The following CDH13 variants were observed in gnomAD, a reference collection of about 807,000 sequenced individuals.
CDH13 encodes cadherin-13.
A neutral mutation model predicts 63.8 loss-of-function variants in CDH13; 24 were observed. That is an observed-to-expected ratio of 0.38 (90% CI 0.27 to 0.53). The LOEUF (loss-of-function observed/expected upper bound fraction) is 0.53. CDH13 is among the 20% of genes least tolerant of loss of function. CDH13 has a pLI of 0.85. For missense variants in CDH13, 1,049 were observed against 903.1 expected, an observed-to-expected ratio of 1.16 and a Z score of -2.07; for synonymous variants, 503 against 355.3, an observed-to-expected ratio of 1.42 and a Z score of -4.67.
intron 1 of CDH13, among the ~76,000 whole-genome samples, chr16:82,673,098 T>C (rs1441882885): frequency 7.1e-6 from 1 of 140,330 alleles, no homozygotes; most frequent in Non-Finnish European, 1.5e-5. Context: ...CACCTTGGCC[T>C]TACAGAATGC....
chr16:82,642,219 A>G (rs750532111), intron 1 of CDH13, among the ~76,000 whole-genome samples: 4 of 152,166 alleles, frequency 2.6e-5, no homozygotes, highest in Admixed American at 6.5e-5. Context: ...ATATTTCTGA[A>G]TTACTATTGT....
chr16:83,644,512 G>A (rs780088979), intron 8 of CDH13, among the ~76,000 whole-genome samples: 1 of 152,186 alleles, frequency 6.6e-6, no homozygotes, highest in Non-Finnish European at 1.5e-5. Flanking sequence ...CCAAAAGTAT[G>A]AGCACTTTAC....
chr16:83,108,150 C>G (rs542571385), intron 3 of CDH13, among the ~76,000 whole-genome samples: 1 of 152,042 alleles, frequency 6.6e-6, no homozygotes, highest in South Asian at 2.1e-4. Context: ...CTTTCTCTTC[C>G]TTCATTCCCC....
At chr16:83,703,723 A>T (rs1314326707) in intron 10 of CDH13, among the ~76,000 whole-genome samples, 1 of 152,214 alleles carries the variant, frequency 6.6e-6, no homozygotes, top group Non-Finnish European at 1.5e-5. Context: ...TTTTTAAGAA[A>T]CAAGGGGCAA....
chr16:83,763,471 GC>G (rs1186203065), intron 11 of CDH13, among the ~76,000 whole-genome samples: 5 of 152,016 alleles, frequency 3.3e-5, no homozygotes, highest in Non-Finnish European at 5.9e-5. Flanking sequence ...TGAATTTATA[GC>G]CCCCAAACTG....
At chr16:83,150,634 T>C (rs11862868) in intron 4 of CDH13, among the ~76,000 whole-genome samples, 2,286 of 152,302 alleles carry the variant, frequency 0.015, 67 homozygotes, top group African/African-American at 0.052. Flanking sequence ...TCTGTCCTTA[T>C]AGAGCGTTTT....
intron 4 of CDH13, among the ~76,000 whole-genome samples, chr16:83,158,323 C>T (rs1286154528): frequency 6.6e-6 from 1 of 152,200 alleles, no homozygotes; most frequent in Non-Finnish European, 1.5e-5. Flanking sequence ...AATGTTGTTT[C>T]TCCTCACTGC....
chr16:83,234,065 CT>C (rs1263863724), intron 5 of CDH13, among the ~76,000 whole-genome samples: 2 of 152,300 alleles, frequency 1.3e-5, no homozygotes, highest in African/African-American at 4.8e-5. Flanking sequence ...CTTCTGCTGG[CT>C]TCAAATAGGG....
intron 3 of CDH13, among the ~76,000 whole-genome samples, chr16:83,110,745 G>C (rs181150301): frequency 1.3e-5 from 2 of 152,004 alleles, no homozygotes; most frequent in African/African-American, 4.8e-5. Flanking sequence ...TGCCAGGGTC[G>C]GGCTTCTTTC....
chr16:82,904,795 C>G (rs1366163594), intron 2 of CDH13, among the ~76,000 whole-genome samples: 7 of 152,192 alleles, frequency 4.6e-5, no homozygotes, highest in Admixed American at 4.6e-4. Flanking sequence ...GGTGACTTGA[C>G]TAGCAGACCA....
chr16:82,657,104 T>C (rs1327149179), intron 1 of CDH13, among the ~76,000 whole-genome samples: 1 of 152,142 alleles, frequency 6.6e-6, no homozygotes, highest in Non-Finnish European at 1.5e-5. Context: ...CCAGTTTTCA[T>C]GGGGAATAAG....
At chr16:83,188,121 C>G (rs57537400) in intron 4 of CDH13, among the ~76,000 whole-genome samples, 1 of 152,016 alleles carries the variant, frequency 6.6e-6, no homozygotes, top group Non-Finnish European at 1.5e-5. Context: ...GGACTTTGGC[C>G]TTTATTCTAA....
chr16:83,740,528 T>C (rs1886292363), intron 10 of CDH13, among the ~76,000 whole-genome samples: 1 of 152,190 alleles, frequency 6.6e-6, no homozygotes, highest in African/African-American at 2.4e-5. Flanking sequence ...TTACTTGTTG[T>C]CATGGTAGGG....
At chr16:83,303,604 C>T (rs1034016495) in intron 5 of CDH13, among the ~76,000 whole-genome samples, 5 of 151,758 alleles carry the variant, frequency 3.3e-5, no homozygotes, top group Admixed American at 2.6e-4. Context: ...GGTTGAAGGC[C>T]ATTTGTTCCT....
chr16:83,351,174 AT>A (rs1012153364), intron 6 of CDH13, among the ~76,000 whole-genome samples: 7 of 149,324 alleles, frequency 4.7e-5, no homozygotes, highest in East Asian at 3.9e-4. Flanking sequence ...TTGACTGTTA[AT>A]TTTTTTTTGC....
At chr16:82,937,668 A>G (rs528971576) in intron 2 of CDH13, among the ~76,000 whole-genome samples, 4 of 152,346 alleles carry the variant, frequency 2.6e-5, no homozygotes, top group East Asian at 1.9e-4. Context: ...GATCCTTCCT[A>G]TGTTATCTCT....
intron 5 of CDH13, among the ~76,000 whole-genome samples, chr16:83,222,458 A>G (rs1378156258): frequency 6.6e-6 from 1 of 152,216 alleles, no homozygotes; most frequent in Non-Finnish European, 1.5e-5. Flanking sequence ...CAGTGCTTAT[A>G]AGACGATTGG....
chr16:83,107,663 G>A (rs2034838596), intron 3 of CDH13, among the ~76,000 whole-genome samples: 1 of 151,808 alleles, frequency 6.6e-6, no homozygotes, highest in South Asian at 2.1e-4. Flanking sequence ...CAGGTGAAGA[G>A]ACAGCTGAAT....
intron 7 of CDH13, among the ~76,000 whole-genome samples, chr16:83,544,149 T>G (rs796231681): frequency 3.3e-5 from 5 of 152,270 alleles, no homozygotes; most frequent in African/African-American, 1.2e-4. Context: ...ACTCGCAGTG[T>G]CTCTGAGGTG....
Sources: gnomAD v4.1 joint callset for allele counts (sites outside exome capture counted in the v4.1 genomes callset) on GRCh38, gnomAD v4.1.1 for gene constraint, MANE v1.5 for transcripts, NCBI Gene and HGNC (gene_info 2026-07-23, HGNC 2026-07-21) for gene names.